ERBB4: variants seen among roughly 807,000 people sequenced by gnomAD.
ERBB4 encodes the protein erb-b2 receptor tyrosine kinase 4.
ERBB4 carries 42 observed loss-of-function variants against 158.0 expected under a neutral mutation model. That is an observed-to-expected ratio of 0.27 (90% CI 0.21 to 0.34). The LOEUF (loss-of-function observed/expected upper bound fraction) is 0.34. Ranked by LOEUF, ERBB4 falls within the 10% of genes least tolerant of loss-of-function variation. The pLI, the probability that ERBB4 is intolerant of heterozygous loss-of-function variation, is 1.00. For missense variants in ERBB4, 1,333 were observed against 1,624.1 expected, an observed-to-expected ratio of 0.82 and a Z score of 3.08; for synonymous variants, 583 against 558.7, an observed-to-expected ratio of 1.04 and a Z score of -0.61.
At chr2:212,190,669 T>C (rs1272679399) in intron 1 of ERBB4, among the ~76,000 whole-genome samples, 1 of 152,144 alleles carries the variant, frequency 6.6e-6, no homozygotes, top group Non-Finnish European at 1.5e-5. Flanking sequence ...AGGGTCAGTG[T>C]CAACCAATTA....
At chr2:211,792,366 A>G (rs1412061283) in intron 3 of ERBB4, among the ~76,000 whole-genome samples, 1 of 151,728 alleles carries the variant, frequency 6.6e-6, no homozygotes, top group Non-Finnish European at 1.5e-5. Context: ...TATACAGAAT[A>G]TCTTGAATTT....
At chr2:212,125,912 T>C (rs2079911247) in intron 1 of ERBB4, among the ~76,000 whole-genome samples, 1 of 152,240 alleles carries the variant, frequency 6.6e-6, no homozygotes, top group Non-Finnish European at 1.5e-5. Context: ...TAAAATGATT[T>C]ATATTCCTTT....
chr2:211,425,021 G>GCAAA (rs2063595693), intron 22 of ERBB4, among the ~76,000 whole-genome samples: 2 of 152,232 alleles, frequency 1.3e-5, no homozygotes, highest in South Asian at 4.1e-4. Flanking sequence ...ATGGTAGCAT[G>GCAAA]CAAACAGCCA....
intron 12 of ERBB4, among the ~76,000 whole-genome samples, chr2:211,687,050 C>G (rs536959303): frequency 1.3e-5 from 2 of 151,900 alleles, no homozygotes; most frequent in Admixed American, 6.6e-5. Context: ...AATCCCAGCA[C>G]TTTGGGAGGC....
intron 1 of ERBB4, among the ~76,000 whole-genome samples, chr2:212,294,084 T>C (rs980254973): frequency 6.6e-6 from 1 of 152,010 alleles, no homozygotes; most frequent in African/African-American, 2.4e-5. Context: ...ATCTCTTGCA[T>C]TTACTGTTAC....
intron 16 of ERBB4, among the ~76,000 whole-genome samples, chr2:211,636,449 A>G (rs1381906391): frequency 1.3e-5 from 2 of 152,028 alleles, no homozygotes; most frequent in Non-Finnish European, 1.5e-5. Flanking sequence ...AGGAAATTAT[A>G]TAGTCATGTT....
intron 3 of ERBB4, among the ~76,000 whole-genome samples, chr2:211,876,583 T>C (rs1046753141): frequency 2.6e-5 from 4 of 152,106 alleles, no homozygotes; most frequent in African/African-American, 4.8e-5. Context: ...TATAAAAGGG[T>C]ATATGTAATG....
chr2:212,506,817 T>G (rs1286747691), intron 1 of ERBB4, among the ~76,000 whole-genome samples: 1 of 152,224 alleles, frequency 6.6e-6, no homozygotes, highest in African/African-American at 2.4e-5. Context: ...AACTAACAAG[T>G]GCTGATGTAG....
intron 4 of ERBB4, among the ~76,000 whole-genome samples, chr2:211,783,049 C>T (rs994583847): frequency 2.6e-5 from 4 of 151,994 alleles, no homozygotes; most frequent in Non-Finnish European, 4.4e-5. Context: ...TTTCATTGAG[C>T]AGTGGTTTGT....
intron 1 of ERBB4, among the ~76,000 whole-genome samples, chr2:212,245,389 T>G (rs987466987): frequency 2.0e-5 from 3 of 152,134 alleles, no homozygotes; most frequent in Non-Finnish European, 4.4e-5. Flanking sequence ...TTGAATAGTT[T>G]TGAAAAATAA....
chr2:211,649,609 A>G (rs1404264569), intron 16 of ERBB4, among the ~76,000 whole-genome samples: 1 of 151,900 alleles, frequency 6.6e-6, no homozygotes, highest in Non-Finnish European at 1.5e-5. Flanking sequence ...TCCCTCAACA[A>G]GTAAATTTTT....
At chr2:211,426,583 C>T (rs1836718) in intron 22 of ERBB4, among the ~76,000 whole-genome samples, 1 of 151,762 alleles carries the variant, frequency 6.6e-6, no homozygotes, top group Non-Finnish European at 1.5e-5. Flanking sequence ...AAATGTTACA[C>T]CCTGAGTAAC....
At chr2:211,969,544 T>C (rs1372617919) in intron 2 of ERBB4, among the ~76,000 whole-genome samples, 1 of 152,058 alleles carries the variant, frequency 6.6e-6, no homozygotes, top group Non-Finnish European at 1.5e-5. Flanking sequence ...TTAAGTGTGG[T>C]TGAAGATGAA....
At chr2:211,673,921 G>T (rs969226887) in intron 13 of ERBB4, among the ~76,000 whole-genome samples, 6 of 152,006 alleles carry the variant, frequency 3.9e-5, no homozygotes, top group African/African-American at 1.4e-4. Context: ...TACAATAAAA[G>T]ACACAGTTTA....
intron 2 of ERBB4, among the ~76,000 whole-genome samples, chr2:212,043,590 T>C (rs995999681): frequency 3.9e-5 from 6 of 152,134 alleles, no homozygotes; most frequent in African/African-American, 1.4e-4. Context: ...TAATACATTG[T>C]AAATAAGGAT....
At chr2:211,885,770 T>C (rs138116311) in intron 3 of ERBB4, among the ~76,000 whole-genome samples, 51 of 152,276 alleles carry the variant, frequency 3.3e-4, no homozygotes, top group African/African-American at 1.2e-3. Context: ...ATTTTTTTAA[T>C]CTAAAATGCA....
chr2:212,106,066 A>G (rs2079217788), intron 2 of ERBB4, among the ~76,000 whole-genome samples: 1 of 152,182 alleles, frequency 6.6e-6, no homozygotes, highest in Admixed American at 6.5e-5. Context: ...CATGAAAAGC[A>G]ACTAATACAG....
chr2:211,591,685 C>T (rs1272772380), intron 19 of ERBB4, among the ~76,000 whole-genome samples: 10 of 151,986 alleles, frequency 6.6e-5, no homozygotes, highest in Non-Finnish European at 1.5e-5. Context: ...CTGCAGTCCT[C>T]AAAGCAAAGA....
intron 1 of ERBB4, among the ~76,000 whole-genome samples, chr2:212,292,497 A>G (rs2086244287): frequency 6.6e-6 from 1 of 152,026 alleles, no homozygotes; most frequent in Non-Finnish European, 1.5e-5. Flanking sequence ...TTATAGATAA[A>G]AAATAGTAAT....
Sources: allele counts gnomAD v4.1 joint callset (sites outside exome capture counted in the v4.1 genomes callset), GRCh38; gene constraint gnomAD v4.1.1; transcripts MANE v1.5; gene names NCBI Gene and HGNC (gene_info 2026-07-23, HGNC 2026-07-21).